Variants in RBFOX1 observed in about 807,000 individuals in gnomAD.
RBFOX1 encodes the protein RNA binding fox-1 homolog 1.
In RBFOX1, 8 loss-of-function variants were observed where a neutral mutation model predicts 57.7. The ratio of observed to expected loss-of-function variants is 0.14; its 90% CI spans 0.08 to 0.25. The LOEUF (loss-of-function observed/expected upper bound fraction) is 0.25. RBFOX1 is among the 10% of genes least tolerant of loss of function. RBFOX1 has a pLI of 1.00. For missense variants in RBFOX1, 611 were observed against 548.5 expected (o/e 1.11, Z -1.14); for synonymous variants, 326 against 222.4 (o/e 1.47, Z -4.15).
At chr16:6,402,014 C>T (rs1404750499) in intron 2 of RBFOX1, among the ~76,000 whole-genome samples, 3 of 151,732 alleles carry the variant, frequency 2.0e-5, no homozygotes, top group Non-Finnish European at 4.4e-5. Flanking sequence ...GTTCCTCTGG[C>T]CCCAACCGTG....
intron 3 of RBFOX1, among the ~76,000 whole-genome samples, chr16:5,706,794 T>G (rs1022037928): frequency 2.6e-5 from 4 of 152,072 alleles, no homozygotes; most frequent in African/African-American, 9.7e-5. Context: ...AAGGACTTAA[T>G]GTTCTGTGAG....
chr16:6,431,909 C>CTTTG, intron 2 of RBFOX1, among the ~76,000 whole-genome samples: 1 of 115,144 alleles, frequency 8.7e-6, no homozygotes, highest in East Asian at 2.5e-4. Context: ...TTCTTTCTTT[C>CTTTG]TTTCTTTCTT....
intron 1 of RBFOX1, among the ~76,000 whole-genome samples, chr16:6,260,550 A>G (rs150242835): frequency 6.6e-6 from 1 of 152,284 alleles, no homozygotes; most frequent in East Asian, 1.9e-4. Context: ...CTTTTAATTA[A>G]ATATCTGTAT....
chr16:7,395,206 A>G (rs1013507156), intron 4 of RBFOX1, among the ~76,000 whole-genome samples: 1 of 149,392 alleles, frequency 6.7e-6, no homozygotes, highest in Admixed American at 6.7e-5. Flanking sequence ...CTCTTGCCTG[A>G]TCTATGTAGA....
chr16:7,226,179 A>C (rs1026300545), intron 4 of RBFOX1, among the ~76,000 whole-genome samples: 6 of 152,190 alleles, frequency 3.9e-5, no homozygotes, highest in African/African-American at 7.2e-5. Flanking sequence ...TCCCAGGGAT[A>C]ACTCTCAGGT....
At chr16:7,076,101 G>C (rs1006321264) in intron 4 of RBFOX1, among the ~76,000 whole-genome samples, 1 of 151,048 alleles carries the variant, frequency 6.6e-6, no homozygotes, top group Non-Finnish European at 1.5e-5. Flanking sequence ...GACTGCCATG[G>C]CGCGATCTCG....
At chr16:7,187,472 G>C (rs1229546218) in intron 4 of RBFOX1, among the ~76,000 whole-genome samples, 2 of 151,026 alleles carry the variant, frequency 1.3e-5, no homozygotes, top group East Asian at 2.0e-4. Context: ...GGCTAATCAC[G>C]AGATCAGGAG....
chr16:5,939,497 C>T (rs900356010), intron 4 of RBFOX1, among the ~76,000 whole-genome samples: 1 of 152,178 alleles, frequency 6.6e-6, no homozygotes, highest in Non-Finnish European at 1.5e-5. Flanking sequence ...GAGGACCTTC[C>T]ACAGGACTGT....
At chr16:7,213,579 G>T (rs1024569020) in intron 4 of RBFOX1, among the ~76,000 whole-genome samples, 2 of 151,830 alleles carry the variant, frequency 1.3e-5, no homozygotes, top group African/African-American at 2.4e-5. Flanking sequence ...CACAAACAAG[G>T]TGGGAAATCA....
intron 1 of RBFOX1, among the ~76,000 whole-genome samples, chr16:5,387,721 C>A (rs947940146): frequency 1.3e-5 from 2 of 152,190 alleles, no homozygotes; most frequent in Non-Finnish European, 2.9e-5. Flanking sequence ...TGATGATATT[C>A]ACATCCTAAT....
chr16:7,499,223 C>G (rs1033990916), intron 4 of RBFOX1, among the ~76,000 whole-genome samples: 1 of 152,152 alleles, frequency 6.6e-6, no homozygotes, highest in Non-Finnish European at 1.5e-5. Context: ...CTCCTATCTT[C>G]TGGAAGTTTA....
intron 2 of RBFOX1, among the ~76,000 whole-genome samples, chr16:6,608,721 A>C (rs2097987225): frequency 6.6e-6 from 1 of 152,204 alleles, no homozygotes; most frequent in Non-Finnish European, 1.5e-5. Context: ...ACAGTGAGCC[A>C]TGATTGTACC....
rs541024048 is a variant in RBFOX1 at position 7,044,265 on chromosome 16, C to G, written c.-15-7792C>G. Reference sequence around the variant, plus strand: ...AGTGGATTCCAAACATCGTACTCATCTCTAGAAAAGGAAAGCCACCTAAGG... The same window carrying G: ...AGTGGATTCCAAACATCGTACTCATGTCTAGAAAAGGAAAGCCACCTAAGG... On this transcript the variant is annotated intron_variant, in intron 3 of 15. Coordinates refer to ENST00000550418, the MANE Select transcript of RBFOX1 (RefSeq NM_018723.4). Among the ~76,000 whole-genome samples, 84 of 152,296 alleles carry G rather than the reference C, an allele frequency of 5.5e-4. 1 individual carries two copies. Among genetic ancestry groups the G allele is most frequent in the African/African-American group, 2.0e-3 (83 of 41,580 alleles).
intron 4 of RBFOX1, among the ~76,000 whole-genome samples, chr16:7,485,728 T>C (rs1599673973): frequency 6.6e-6 from 1 of 152,258 alleles, no homozygotes; most frequent in East Asian, 1.9e-4. Flanking sequence ...GTATCCATAA[T>C]GTATGTACAT....
intron 1 of RBFOX1, among the ~76,000 whole-genome samples, chr16:5,316,225 C>G (rs1433935444): frequency 6.6e-6 from 1 of 152,236 alleles, no homozygotes; most frequent in Non-Finnish European, 1.5e-5. Context: ...CCCTCAGATG[C>G]TTTTTGTGAC....
intron 2 of RBFOX1, among the ~76,000 whole-genome samples, chr16:6,566,300 A>G (rs1254384588): frequency 1.3e-5 from 2 of 152,010 alleles, no homozygotes; most frequent in African/African-American, 4.8e-5. Flanking sequence ...AGCTATGCCT[A>G]ATTGCACCTC....
At chr16:6,039,086 C>A (rs1014556086) in intron 1 of RBFOX1, 11 of 149,784 alleles carry the variant, frequency 7.3e-5, no homozygotes, top group Admixed American at 1.3e-4. Flanking sequence ...CTCCCCAGAC[C>A]AAACTGTGTG....
At chr16:5,621,363 A>G (rs2048196644) in intron 3 of RBFOX1, among the ~76,000 whole-genome samples, 1 of 152,192 alleles carries the variant, frequency 6.6e-6, no homozygotes, top group African/African-American at 2.4e-5. Context: ...GCTGGGGGTC[A>G]TGATTTCCAC....
At chr16:5,736,530 C>G (rs1237835092) in intron 3 of RBFOX1, among the ~76,000 whole-genome samples, 2 of 152,150 alleles carry the variant, frequency 1.3e-5, no homozygotes, top group East Asian at 3.9e-4. Flanking sequence ...ACCCTGTTTC[C>G]TGGATGCCTG....
Sources: allele counts gnomAD v4.1 joint callset (sites outside exome capture counted in the v4.1 genomes callset), GRCh38; gene constraint gnomAD v4.1.1; transcripts MANE v1.5; gene names NCBI Gene and HGNC (gene_info 2026-07-23, HGNC 2026-07-21).